Variants in NCKAP1 observed in about 807,000 individuals in gnomAD.
NCKAP1 encodes nck-associated protein 1.
Under a neutral mutation model 151.2 loss-of-function variants are expected in NCKAP1, and 21 were observed. That is an observed-to-expected ratio of 0.14 (90% CI 0.10 to 0.20). NCKAP1 has a LOEUF of 0.20. NCKAP1 is among the 10% of genes least tolerant of loss of function. The pLI is 1.00. For missense variants in NCKAP1, 933 were observed against 1,352.1 expected, an observed-to-expected ratio of 0.69 and a Z score of 4.86; for synonymous variants, 484 against 451.8, an observed-to-expected ratio of 1.07 and a Z score of -0.90.
At position 182,967,314 on chromosome 2, in the gene NCKAP1, T is replaced by C. The variant is rs1188113174; in HGVS notation, c.1530A>G (p.Arg510=). The C allele has an allele frequency of 5.0e-6, 8 of 1,612,012 alleles. No homozygotes were observed. In the South Asian group the frequency reaches 7.7e-5, roughly 16 times the overall value. ...SKASLGLADH[R]ELGKMMNTII... ...TTGTATTCATCATCTTTCCAAGTTCTCTGTGATCTGCAAGGCCAAGTGAAG... is the reference window on the plus strand; with the variant it reads ...TTGTATTCATCATCTTTCCAAGTTCCCTGTGATCTGCAAGGCCAAGTGAAG... Residue 510 remains arginine, a synonymous_variant, in exon 16 of 31, where the codon AGA becomes AGG. Coordinates refer to ENST00000361354, the MANE Select transcript of NCKAP1 (RefSeq NM_013436.5).
intron 17 of NCKAP1, among the ~76,000 whole-genome samples, chr2:182,963,192 C>A (rs560401041): frequency 3.4e-4 from 52 of 151,292 alleles, no homozygotes; most frequent in African/African-American, 1.1e-3. Flanking sequence ...AAAGTCAAAT[C>A]AAAAAAAAGA....
At chr2:183,021,331 A>G (rs988876570) in intron 2 of NCKAP1, among the ~76,000 whole-genome samples, 11 of 152,236 alleles carry the variant, frequency 7.2e-5, no homozygotes, top group African/African-American at 1.9e-4. Flanking sequence ...TGGGCACAGC[A>G]GCTTACAGCT....
chr2:182,983,781 C>A (rs892665233), intron 10 of NCKAP1, among the ~76,000 whole-genome samples: 7 of 152,096 alleles, frequency 4.6e-5, no homozygotes, highest in African/African-American at 1.7e-4. Flanking sequence ...GCCTGTAATC[C>A]CAGCACTTTG....
chr2:182,972,233 AAAAAAAAAAAAAC>A (rs1378205035), intron 15 of NCKAP1, among the ~76,000 whole-genome samples: 3 of 150,836 alleles, frequency 2.0e-5, no homozygotes, highest in Admixed American at 2.0e-4. Context: ...GCAAAAAAAA[AAAAAAAAAAAAAC>A]AAAACTGATT....
chr2:183,016,293 G>A (rs1698686413), intron 2 of NCKAP1, among the ~76,000 whole-genome samples: 1 of 152,112 alleles, frequency 6.6e-6, no homozygotes, highest in East Asian at 1.9e-4. Flanking sequence ...GCAATTCCCT[G>A]CCACTATTTG....
chr2:182,945,712 A>G (rs1452948653), intron 23 of NCKAP1, among the ~76,000 whole-genome samples: 1 of 152,236 alleles, frequency 6.6e-6, no homozygotes, highest in Non-Finnish European at 1.5e-5. Flanking sequence ...ATGGGAATGT[A>G]AATTAGTCCA....
Position 182,995,843 on chromosome 2 carries a change from T to A in NCKAP1, c.604-5A>T, listed in dbSNP as rs1359184923. 1 of 1,604,112 alleles carries A rather than the reference T, an allele frequency of 6.2e-7. No individual in the cohort carries two copies. The highest frequency in any genetic ancestry group is 8.5e-7 in the Non-Finnish European group (1 of 1,171,634). On this transcript the variant is annotated splice_region_variant and splice_polypyrimidine_tract_variant and intron_variant, in intron 6 of 30. Coordinates refer to ENST00000361354, the MANE Select transcript of NCKAP1 (RefSeq NM_013436.5). ...AATTAGTGCATCTGAAAGAGACTAATTAAAATACGAAAAAAAAGCTGAAGA... is the reference window on the plus strand; with the variant it reads ...AATTAGTGCATCTGAAAGAGACTAAATAAAATACGAAAAAAAAGCTGAAGA...
chr2:182,998,866 G>A (rs1698325501), intron 6 of NCKAP1, among the ~76,000 whole-genome samples: 1 of 142,890 alleles, frequency 7.0e-6, no homozygotes. Flanking sequence ...AAGGGGGGAA[G>A]GAAGGAAGGG....
intron 30 of NCKAP1, among the ~76,000 whole-genome samples, chr2:182,926,116 CAATACAAA>C (rs1433055708): frequency 6.6e-6 from 1 of 151,650 alleles, no homozygotes; most frequent in Non-Finnish European, 1.5e-5. Flanking sequence ...AAATAAAAGA[CAATACAAA>C]AATATTTTTT....
intron 21 of NCKAP1, 50 bp from the exon 22 acceptor site, chr2:182,952,973 T>G (rs1697244878): frequency 6.4e-7 from 1 of 1,561,058 alleles, no homozygotes; most frequent in African/African-American, 1.4e-5. Flanking sequence ...TAATTCAGAA[T>G]GTATCATGAT....
chr2:182,925,694 A>G lies in NCKAP1; in HGVS notation c.*8T>C. 6.8e-7 allele frequency: 1 copy of G among 1,481,146 alleles called. No individual in the cohort carries two copies. The highest frequency in any genetic ancestry group is 9.2e-7 in the Non-Finnish European group (1 of 1,091,636). The allele number at this position is 1,481,146 out of a possible 1,614,324, so 91.8% of individuals were successfully genotyped here. A position where few individuals can be genotyped will look rare whatever the true frequency, so the allele number is the denominator to read the frequency against. On this transcript the variant is annotated 3_prime_UTR_variant, in exon 31 of 31. Transcript: ENST00000361354. The stretch of plus-strand genomic sequence containing the variant: ...AAATGCGTGCTTATCTTGATTAAGT[A>G]GGTAATTTTATGCAGAAGATGTAAC...
intron 26 of NCKAP1, among the ~76,000 whole-genome samples, chr2:182,934,001 T>C (rs1235816442): frequency 6.6e-6 from 1 of 152,160 alleles, no homozygotes; most frequent in Non-Finnish European, 1.5e-5. Context: ...TTTATATATA[T>C]ATTACATATA....
chr2:183,025,763 C>T (rs1387610379), intron 1 of NCKAP1, among the ~76,000 whole-genome samples: 1 of 151,992 alleles, frequency 6.6e-6, no homozygotes, highest in Admixed American at 6.6e-5. Flanking sequence ...TAAAAATTTG[C>T]CCAAACACAA....
chr2:182,989,183 C>A lies in NCKAP1; in HGVS notation c.794G>T (p.Gly265Val). 2 of 1,580,646 alleles carry A rather than the reference C, an allele frequency of 1.3e-6. No homozygotes were observed. The highest frequency in any genetic ancestry group is 2.0e-5 in the Admixed American group (1 of 50,522). Reference protein sequence around the residue: ...LDAMEKWIIFGFILCHGILNT... With the variant: ...LDAMEKWIIFVFILCHGILNT... ...TAGGATCCCATGGCACAAAATAAAG[C>A]CAACTTTAAATAAAAAGAAAGCAAA... Residue 265 changes from glycine (G) to valine (V), a missense_variant, in exon 9 of 31, where the codon GGC (glycine) becomes GTC (valine). By Grantham distance (109) the Gly-to-Val change is moderately radical. This residue lies in a region of NCKAP1 where 607 missense variants were observed against 795.0 expected (regional missense o/e 0.76). Coordinates refer to ENST00000361354, the MANE Select transcript of NCKAP1 (RefSeq NM_013436.5).
intron 15 of NCKAP1, among the ~76,000 whole-genome samples, chr2:182,976,581 T>C (rs899696529): frequency 1.3e-5 from 2 of 152,190 alleles, no homozygotes; most frequent in Non-Finnish European, 2.9e-5. Flanking sequence ...ATTTTAAATA[T>C]TTTCTCAGAA....
chr2:183,022,381 A>T (rs1333256884), intron 2 of NCKAP1, among the ~76,000 whole-genome samples: 2 of 152,228 alleles, frequency 1.3e-5, no homozygotes, highest in Non-Finnish European at 2.9e-5. Flanking sequence ...AATGTCAGTA[A>T]CTAAAAAAGA....
At chr2:182,926,971 G>C in intron 29 of NCKAP1, 66 bp from the exon 30 acceptor site, 1 of 1,104,904 alleles carries the variant, frequency 9.1e-7, no homozygotes, top group Middle Eastern at 2.0e-4. Flanking sequence ...CTTATTTTAG[G>C]TATGTTTCAA....
intron 2 of NCKAP1, among the ~76,000 whole-genome samples, chr2:183,012,494 G>A (rs567404977): frequency 2.0e-5 from 3 of 152,270 alleles, no homozygotes; most frequent in African/African-American, 7.2e-5. Flanking sequence ...AAAGTGAGGT[G>A]GCATCACTGG....
chr2:182,957,228 A>G (rs1559081522), intron 19 of NCKAP1: 1 of 400,176 alleles, frequency 2.5e-6, no homozygotes, highest in African/African-American at 2.1e-5. Flanking sequence ...ACTTAGTATA[A>G]AAAGACAAAT....
Sources: gnomAD v4.1 joint callset for allele counts (sites outside exome capture counted in the v4.1 genomes callset) on GRCh38, gnomAD v4.1.1 for gene constraint, gnomAD v4.1.1 regional missense constraint, MANE v1.5 for transcripts, NCBI Gene and HGNC (gene_info 2026-07-23, HGNC 2026-07-21) for gene names.